Variants in ACCSL observed in about 807,000 individuals in gnomAD.
ACCSL encodes the protein 1-aminocyclopropane-1-carboxylate synthase homolog (inactive) like, also known as probable inactive 1-aminocyclopropane-1-carboxylate synthase-like protein 2.
Under a neutral mutation model 61.7 loss-of-function variants are expected in ACCSL, and 55 were observed. The observed-to-expected ratio is 0.89, with a 90% CI of 0.72 to 1.12. The LOEUF (loss-of-function observed/expected upper bound fraction) is 1.12, where lower values mean the gene tolerates loss of function less well. ACCSL is among the 50% of genes most tolerant of loss of function. The pLI is 0.00. For missense variants in ACCSL, 632 were observed against 698.0 expected (o/e 0.91, Z 1.07); for synonymous variants, 258 against 264.3 (o/e 0.98, Z 0.23).
At chr11:43,981,212 C>G in the ACCSL span, among the ~76,000 whole-genome samples, 7 of 152,206 alleles carry the variant, frequency 4.6e-5, no homozygotes, top group Non-Finnish European at 7.3e-5. Flanking sequence ...GTAGCTCATG[C>G]CTCCATGTAG....
chr11:43,947,629 G>A, the ACCSL span, among the ~76,000 whole-genome samples: 1 of 152,196 alleles, frequency 6.6e-6, no homozygotes, highest in African/African-American at 2.4e-5. Flanking sequence ...GAAGGCAATG[G>A]AAAGAGAAAG....
the ACCSL span, among the ~76,000 whole-genome samples, chr11:43,978,677 T>C: frequency 6.6e-6 from 1 of 152,106 alleles, no homozygotes; most frequent in Non-Finnish European, 1.5e-5. Flanking sequence ...CTTGTTTTTC[T>C]TTCCCTGCTT....
At chr11:43,973,304 A>G in the ACCSL span, among the ~76,000 whole-genome samples, 13 of 152,316 alleles carry the variant, frequency 8.5e-5, no homozygotes, top group South Asian at 2.5e-3. Context: ...CTGTGCACAA[A>G]ATGATTTTGA....
intron 8 of ACCSL, among the ~76,000 whole-genome samples, chr11:44,054,453 TTTTTTTG>T (rs1322646326): frequency 4.1e-4 from 62 of 150,366 alleles, no homozygotes; most frequent in African/African-American, 1.2e-3. Flanking sequence ...CTTTCTTTTT[TTTTTTTG>T]TTTTTTGTTT....
In ACCSL at chr11:44,053,011, T is replaced by A. The variant is rs906943123; in HGVS notation, c.891T>A (p.His297Gln). ...TCCAGGTCACTGTTACAAACACCCA[T>A]CCTTTCCAGCTCACTGTGGACAAGT... The part of the protein sequence containing the change: ...LESEVTVTNT[H>Q]PFQLTVDKLE... Residue 297 changes from histidine to glutamine, a missense_variant, in exon 7 of 14, where the codon CAT becomes CAA. Transcript: ENST00000378832. 5 of 1,614,158 alleles carry A rather than the reference T, an allele frequency of 3.1e-6. No homozygotes were observed. Among genetic ancestry groups the A allele is most frequent in the Non-Finnish European group, 3.4e-6 (4 of 1,180,008 alleles).
At chr11:44,053,304 C>T in intron 7 of ACCSL, 102 bp from the exon 8 acceptor site, 1 of 1,174,934 alleles carries the variant, frequency 8.5e-7, no homozygotes, top group Non-Finnish European at 1.2e-6. Context: ...CAAGACCCTA[C>T]CTAGGCCTTT....
the ACCSL span, among the ~76,000 whole-genome samples, chr11:43,934,468 A>ACACACACGCG: frequency 6.6e-6 from 1 of 152,232 alleles, no homozygotes; most frequent in East Asian, 1.9e-4. Flanking sequence ...TGCATTCCAC[A>ACACACACGCG]CACACACGCG....
At chr11:43,967,172 T>TTTA in the ACCSL span, among the ~76,000 whole-genome samples, 556 of 88,896 alleles carry the variant, frequency 6.3e-3, 7 homozygotes, top group Non-Finnish European at 0.01. Flanking sequence ...TTCTTCTTTT[T>TTTA]TTTTTTTTTT....
chr11:43,982,400 G>T, the ACCSL span, among the ~76,000 whole-genome samples: 1 of 151,730 alleles, frequency 6.6e-6, no homozygotes, highest in Non-Finnish European at 1.5e-5. Context: ...GCTAATTTTT[G>T]TATTTTTAGT....
the ACCSL span, among the ~76,000 whole-genome samples, chr11:44,024,451 G>C: frequency 0.11 from 11,158 of 102,618 alleles, 439 homozygotes; most frequent in Non-Finnish European, 0.14. Flanking sequence ...CTGTGTGTGT[G>C]TGTGTGTGTG....
chr11:43,952,665 A>G, the ACCSL span, among the ~76,000 whole-genome samples: 1 of 152,300 alleles, frequency 6.6e-6, no homozygotes, highest in African/African-American at 2.4e-5. Context: ...TAGAGTTGTA[A>G]GCCCTTAAAA....
At chr11:44,009,737 C>A in the ACCSL span, among the ~76,000 whole-genome samples, 1 of 152,188 alleles carries the variant, frequency 6.6e-6, no homozygotes, top group South Asian at 2.1e-4. Context: ...TGCACTCTAG[C>A]CTGGGTGACA....
chr11:43,967,478 CTCAG>C, the ACCSL span, among the ~76,000 whole-genome samples: 1 of 152,102 alleles, frequency 6.6e-6, no homozygotes, highest in African/African-American at 2.4e-5. Flanking sequence ...CACGCCCGGC[CTCAG>C]TTCTTCCAGT....
At chr11:43,979,269 C>G in the ACCSL span, among the ~76,000 whole-genome samples, 5 of 152,056 alleles carry the variant, frequency 3.3e-5, no homozygotes, top group Non-Finnish European at 4.4e-5. Flanking sequence ...GAGGTCAAGG[C>G]TACAGTGAGC....
At chr11:43,943,672 C>G in the ACCSL span, 10 of 1,304,870 alleles carry the variant, frequency 7.7e-6, no homozygotes, top group Non-Finnish European at 8.1e-6. This position sits in a 1 kb window ranked among gnomAD's most constrained non-coding sequence, Gnocchi z 4.8. Flanking sequence ...CCCATTCACA[C>G]TCACGCCAAC....
chr11:43,966,061 T>C, the ACCSL span, among the ~76,000 whole-genome samples: 1 of 151,754 alleles, frequency 6.6e-6, no homozygotes, highest in Non-Finnish European at 1.5e-5. Context: ...AATGGTTTCT[T>C]AGATATAACA....
the ACCSL span, among the ~76,000 whole-genome samples, chr11:44,013,996 A>C: frequency 6.6e-6 from 1 of 152,168 alleles, no homozygotes; most frequent in Non-Finnish European, 1.5e-5. Context: ...ACCAATCGTG[A>C]TGCTGAGGAA....
At chr11:43,953,225 A>T in the ACCSL span, among the ~76,000 whole-genome samples, 1 of 152,168 alleles carries the variant, frequency 6.6e-6, no homozygotes, top group Admixed American at 6.5e-5. Context: ...TGATAAAAGG[A>T]TGAGATATGC....
At chr11:43,966,828 C>T in the ACCSL span, among the ~76,000 whole-genome samples, 3 of 152,134 alleles carry the variant, frequency 2.0e-5, no homozygotes, top group Admixed American at 6.5e-5. Flanking sequence ...CTTTCCCTGG[C>T]ACATCTATCA....
Sources: allele counts gnomAD v4.1 joint callset (sites outside exome capture counted in the v4.1 genomes callset), GRCh38; gene constraint gnomAD v4.1.1; non-coding constraint Gnocchi (gnomAD v3.1); transcripts MANE v1.5; gene names NCBI Gene and HGNC (gene_info 2026-07-23, HGNC 2026-07-21).